The following TRANK1 variants were observed in gnomAD, a reference collection of about 807,000 sequenced individuals.
The protein encoded by TRANK1 is tetratricopeptide repeat and ankyrin repeat containing 1, also known as TPR and ankyrin repeat-containing protein 1.
A neutral mutation model predicts 266.0 loss-of-function variants in TRANK1; 198 were observed. The ratio of observed to expected loss-of-function variants is 0.74; its 90% CI spans 0.66 to 0.84. TRANK1 has a LOEUF of 0.84. Among genes scored for constraint, TRANK1 ranks in the 40% least tolerant of loss-of-function variants. The probability of loss-of-function intolerance (pLI) is 0.00; values close to 1 mark genes in which losing one functional copy is unlikely to be tolerated. For missense variants in TRANK1, 3,326 were observed against 3,634.6 expected (o/e 0.92, Z 2.18); for synonymous variants, 1,396 against 1,384.1 (o/e 1.01, Z -0.19).
At chr3:36,942,458 G>A (rs1212282994) in intron 1 of TRANK1, among the ~76,000 whole-genome samples, 3 of 133,236 alleles carry the variant, frequency 2.3e-5, no homozygotes, top group Middle Eastern at 5.0e-3. Flanking sequence ...CAGTAGGGTT[G>A]CAGCATCTTC....
intron 18 of TRANK1, among the ~76,000 whole-genome samples, chr3:36,841,152 G>T (rs989083740): frequency 2.6e-5 from 4 of 152,092 alleles, no homozygotes; most frequent in African/African-American, 9.7e-5. Flanking sequence ...CTTTACTCAG[G>T]CCCAACTCCA....
intron 1 of TRANK1, among the ~76,000 whole-genome samples, chr3:36,944,411 C>A (rs1477102905): frequency 6.6e-6 from 1 of 152,238 alleles, no homozygotes; most frequent in East Asian, 1.9e-4. Flanking sequence ...AGAATGCTTG[C>A]CCCGGGGGCG....
At chr3:36,837,477 A>G (rs1575182240) in intron 20 of TRANK1, among the ~76,000 whole-genome samples, 1 of 152,196 alleles carries the variant, frequency 6.6e-6, no homozygotes, top group East Asian at 1.9e-4. Context: ...CATACAGACA[A>G]GAAAACCCCC....
chr3:36,910,971 G>A (rs1176625409), intron 1 of TRANK1, among the ~76,000 whole-genome samples: 1 of 151,722 alleles, frequency 6.6e-6, no homozygotes, highest in Admixed American at 6.6e-5. Flanking sequence ...TTGGGAGACT[G>A]AGGCAGGAGA....
At chr3:36,843,199 G>A (rs906101520) in intron 17 of TRANK1, among the ~76,000 whole-genome samples, 5 of 152,168 alleles carry the variant, frequency 3.3e-5, no homozygotes, top group African/African-American at 1.2e-4. Context: ...TAGTATTCAT[G>A]TAAGATATAT....
intron 8 of TRANK1, among the ~76,000 whole-genome samples, chr3:36,881,614 A>AAAAT (rs781065326): frequency 1.3e-5 from 2 of 152,198 alleles, no homozygotes; most frequent in Non-Finnish European, 2.9e-5. Flanking sequence ...ATCTCTCTCA[A>AAAAT]AAATAAATAA....
rs1278496746 is a variant in TRANK1 at position 36,834,824 on chromosome 3, A to G, written c.5601T>C (p.Asp1867=). The G allele has an allele frequency of 6.2e-7, 1 of 1,613,854 alleles. No homozygotes were observed. The highest frequency in any genetic ancestry group is 1.1e-5 in the South Asian group (1 of 91,038). ...CTTGGCAGTACATTTTGAGTGCTAG[A>G]TCAAATTCCTGAATCTGCTCAAAGC... ...FRCFEQIQEF[D]LALKMYCQEE... The change falls in exon 21 of 24, where the codon GAT becomes GAC. Residue 1867 remains aspartate, a synonymous_variant. Transcript: ENST00000645898.
chr3:36,944,414 C>T (rs557156750), intron 1 of TRANK1, among the ~76,000 whole-genome samples: 1 of 152,318 alleles, frequency 6.6e-6, no homozygotes, highest in East Asian at 1.9e-4. Flanking sequence ...ATGCTTGCCC[C>T]GGGGGCGCGC....
chr3:36,918,668 A>C (rs1390699284), intron 1 of TRANK1, among the ~76,000 whole-genome samples: 1 of 149,392 alleles, frequency 6.7e-6, no homozygotes, highest in Non-Finnish European at 1.5e-5. Flanking sequence ...AGAAAGAGAG[A>C]AAGAAAGAAA....
In TRANK1 at chr3:36,857,420, C is replaced by T; in HGVS notation, c.2302G>A (p.Gly768Arg). The T allele has an allele frequency of 6.2e-7, 1 of 1,613,868 alleles. No homozygotes were observed. The highest frequency in any genetic ancestry group is 8.5e-7 in the Non-Finnish European group (1 of 1,179,824). ...EPLEAGAGKE[G>R]KKDDKPTLGA... ...AGAGTCGGCTTGTCATCTTTCTTTC[C>T]TTCTTTGCCAGCTCCTGCCTCCAGA... The change falls in exon 13 of 24, where the codon GGA becomes AGA. Residue 768 changes from glycine to arginine, a missense_variant. Coordinates refer to ENST00000645898, the MANE Select transcript of TRANK1 (RefSeq NM_001329998.2). This position sits in a 1 kb window ranked among gnomAD's most constrained non-coding sequence, Gnocchi z 4.3.
Position 36,892,962 on chromosome 3 carries a change from T to G in TRANK1, c.575A>C (p.Lys192Thr), listed in dbSNP as rs2079730388. 1 of 1,515,506 alleles carries G rather than the reference T, an allele frequency of 6.6e-7. No homozygotes were observed. Among genetic ancestry groups the G allele is most frequent in the African/African-American group, 1.4e-5 (1 of 71,830 alleles). 93.9% of individuals were successfully genotyped at this position (1,515,506 alleles called of 1,614,324 possible). A position where few individuals can be genotyped will look rare whatever the true frequency, so the allele number is the denominator to read the frequency against. ...LWHSFLLLSAKKDRLPRNIHV... is the reference protein window; with the variant it reads ...LWHSFLLLSATKDRLPRNIHV... ...AATATTTCTTGGTAATCGGTCTTTT[T>G]TTGCTGACAGAAGCAGAAATGACTG... is the stretch of plus-strand genomic sequence containing the variant. Residue 192 changes from lysine (K) to threonine (T), a missense_variant, in exon 6 of 24, where the codon AAA (lysine) becomes ACA (threonine). By Grantham distance (78) the Lys-to-Thr change is moderately conservative. Coordinates refer to ENST00000645898, the MANE Select transcript of TRANK1 (RefSeq NM_001329998.2).
chr3:36,828,227 T>C lies in TRANK1; in HGVS notation c.*48A>G, dbSNP rs780885793. On this transcript the variant is annotated 3_prime_UTR_variant, in exon 24 of 24. Coordinates refer to ENST00000645898, the MANE Select transcript of TRANK1 (RefSeq NM_001329998.2). The stretch of plus-strand genomic sequence containing the variant: ...CTGCCCCAGCGCTCAGAATTCTAAG[T>C]CAGAATGGAATGTTCCGAAGGATGA... 9.9e-5 allele frequency: 140 copies of C among 1,417,836 alleles called. No homozygotes were observed. Among genetic ancestry groups the C allele is most frequent in the Non-Finnish European group, 1.3e-4 (137 of 1,015,332 alleles). The allele number at this position is 1,417,836 out of a possible 1,614,324, so 87.8% of individuals were successfully genotyped here. A position where few individuals can be genotyped will look rare whatever the true frequency, so the allele number is the denominator to read the frequency against.
At chr3:36,890,337 G>A (rs1212086245) in intron 7 of TRANK1, among the ~76,000 whole-genome samples, 1 of 152,154 alleles carries the variant, frequency 6.6e-6, no homozygotes, top group Non-Finnish European at 1.5e-5. Context: ...TCCTAGTAGG[G>A]TCACTCCAGC....
chr3:36,909,429 G>A (rs1016883053), intron 1 of TRANK1, among the ~76,000 whole-genome samples: 1 of 152,168 alleles, frequency 6.6e-6, no homozygotes. Flanking sequence ...AAGATCTTAA[G>A]AAGCAGCTGC....
chr3:36,892,880 T>TAG (rs1168993067), intron 6 of TRANK1, 21 bp downstream of exon 6: 51 of 1,005,426 alleles, frequency 5.1e-5, no homozygotes, highest in Non-Finnish European at 5.8e-5. Context: ...TAGATATATA[T>TAG]AGATATATAT....
At chr3:36,876,433 G>A in intron 8 of TRANK1, among the ~76,000 whole-genome samples, 1 of 152,368 alleles carries the variant, frequency 6.6e-6, no homozygotes, top group East Asian at 1.9e-4. Context: ...GGTTCATAGG[G>A]AGGACATGTG....
At chr3:36,892,518 C>G (rs1420524109) in intron 6 of TRANK1, among the ~76,000 whole-genome samples, 178 bp from the exon 7 acceptor site, 1 of 152,080 alleles carries the variant, frequency 6.6e-6, no homozygotes, top group Non-Finnish European at 1.5e-5. Flanking sequence ...GTACAAGACA[C>G]AAGGAAGTGT....
rs771359517 is a variant in TRANK1, at chr3:36,828,247, G to A, written c.*28C>T. The stretch of plus-strand genomic sequence containing the variant: ...CTAAGTCAGAATGGAATGTTCCGAA[G>A]GATGAGGAGGCTGCAGCTGTGTGGA... On this transcript the variant is annotated 3_prime_UTR_variant, in exon 24 of 24. Coordinates refer to ENST00000645898, the MANE Select transcript of TRANK1 (RefSeq NM_001329998.2). 1.5e-5 allele frequency: 23 copies of A among 1,521,680 alleles called. No individual in the cohort carries two copies. In the Admixed American group the frequency reaches 2.3e-4, roughly 15 times the overall value. The allele number at this position is 1,521,680 out of a possible 1,614,324, so 94.3% of individuals were successfully genotyped here.
At chr3:36,887,992 T>G (rs1336659593) in intron 8 of TRANK1, among the ~76,000 whole-genome samples, 2 of 152,178 alleles carry the variant, frequency 1.3e-5, no homozygotes, top group East Asian at 3.8e-4. Context: ...ATCCGGCAAT[T>G]CTACTCCTGG....
Sources: gnomAD v4.1 joint callset for allele counts (sites outside exome capture counted in the v4.1 genomes callset) on GRCh38, gnomAD v4.1.1 for gene constraint, Gnocchi (gnomAD v3.1) non-coding constraint, MANE v1.5 for transcripts, NCBI Gene and HGNC (gene_info 2026-07-23, HGNC 2026-07-21) for gene names.